PLD1: variants seen among roughly 807,000 people sequenced by gnomAD.
PLD1 encodes the protein choline phosphatase 1.
PLD1 carries 112 observed loss-of-function variants against 137.1 expected under a neutral mutation model. That is an observed-to-expected ratio of 0.82 (90% CI 0.70 to 0.96). The LOEUF (loss-of-function observed/expected upper bound fraction) is 0.96, where lower values mean the gene tolerates loss of function less well. Ranked by LOEUF, PLD1 falls within the 40% of genes least tolerant of loss-of-function variation. The probability of loss-of-function intolerance (pLI) is 0.00; values close to 1 mark genes in which losing one functional copy is unlikely to be tolerated. For missense variants in PLD1, 1,321 were observed against 1,342.0 expected (o/e 0.98, Z 0.24); for synonymous variants, 431 against 454.7 (o/e 0.95, Z 0.66).
chr3:171,691,470 T>C (rs1179520049), intron 13 of PLD1, among the ~76,000 whole-genome samples: 4 of 152,222 alleles, frequency 2.6e-5, no homozygotes, highest in Non-Finnish European at 5.9e-5. Flanking sequence ...TTTTGTTAAA[T>C]AGCTATATAT....
At chr3:171,731,311 G>GCAA (rs1718929347) in intron 6 of PLD1, among the ~76,000 whole-genome samples, 1 of 152,004 alleles carries the variant, frequency 6.6e-6, no homozygotes, top group Admixed American at 6.5e-5. Context: ...AAGAAAACAT[G>GCAA]TAAATTCCAA....
At chr3:171,605,247 T>A (rs1732114213) in intron 26 of PLD1, 52 bp downstream of exon 26, 1 of 1,003,604 alleles carries the variant, frequency 1.0e-6, no homozygotes, top group Non-Finnish European at 1.6e-6. Context: ...ATATGCTTTT[T>A]GTGATGAGAT....
intron 23 of PLD1, among the ~76,000 whole-genome samples, chr3:171,636,794 G>A (rs563044715): frequency 2.0e-5 from 3 of 152,028 alleles, no homozygotes; most frequent in Non-Finnish European, 2.9e-5. Context: ...AAAACCTCCA[G>A]TACGATGTTG....
chr3:171,609,727 A>T (rs1473632724), intron 25 of PLD1, among the ~76,000 whole-genome samples: 2 of 152,124 alleles, frequency 1.3e-5, no homozygotes, highest in Non-Finnish European at 2.9e-5. Context: ...GAGTGGAATA[A>T]CTGACGTTGG....
At chr3:171,689,554 G>A (rs1714940646) in intron 13 of PLD1, among the ~76,000 whole-genome samples, 1 of 151,852 alleles carries the variant, frequency 6.6e-6, no homozygotes, top group African/African-American at 2.4e-5. Flanking sequence ...AGGCTGGAGT[G>A]TAGACACGTG....
chr3:171,725,204 T>C (rs935541244), intron 7 of PLD1, among the ~76,000 whole-genome samples: 2 of 151,924 alleles, frequency 1.3e-5, no homozygotes, highest in Non-Finnish European at 2.9e-5. Flanking sequence ...TATATAAATA[T>C]AAAAAAATGT....
At chr3:171,705,460 C>G (rs182451435) in intron 11 of PLD1, among the ~76,000 whole-genome samples, 333 of 152,204 alleles carry the variant, frequency 2.2e-3, no homozygotes, top group Non-Finnish European at 3.8e-3. Flanking sequence ...CAACAGAAAT[C>G]ATGGAGGCCA....
chr3:171,677,207 T>C (rs978512766), intron 17 of PLD1, among the ~76,000 whole-genome samples: 19 of 152,202 alleles, frequency 1.2e-4, no homozygotes, highest in African/African-American at 4.6e-4. Flanking sequence ...AACCCAGTGA[T>C]AACCTGAAAA....
rs1272922894 is a variant in PLD1, at chr3:171,764,957, A to AGGAAG, written c.-31-26876_-31-26875insCTTCC. 9.1e-5 allele frequency among the ~76,000 whole-genome samples: 6 copies of AGGAAG among 66,030 alleles called. 1 individual carries two copies. Among genetic ancestry groups the AGGAAG allele is most frequent in the African/African-American group, 1.7e-4 (4 of 23,566 alleles). The allele number at this position is 66,030 out of a possible 152,430, so 43.3% of individuals were successfully genotyped here. A position where few individuals can be genotyped will look rare whatever the true frequency, so the allele number is the denominator to read the frequency against. ...AGGAAAGAAAGAAAGAAAGAAAGAA[A>AGGAAG]GAAAGAAAGAAAGAAAGAAAGAAAG... On this transcript the variant is annotated intron_variant, in intron 1 of 26. Coordinates refer to ENST00000351298, the MANE Select transcript of PLD1 (RefSeq NM_002662.5).
At chr3:171,782,086 A>T (rs1722815997) in intron 1 of PLD1, among the ~76,000 whole-genome samples, 1 of 152,250 alleles carries the variant, frequency 6.6e-6, no homozygotes, top group Non-Finnish European at 1.5e-5. Context: ...ACATGATATG[A>T]ATACATCTCA....
intron 19 of PLD1, among the ~76,000 whole-genome samples, chr3:171,666,905 A>G (rs1293492519): frequency 6.6e-6 from 1 of 152,190 alleles, no homozygotes; most frequent in East Asian, 1.9e-4. Flanking sequence ...TTTTTAACCT[A>G]AAATATAGCC....
At chr3:171,763,476 G>GAC (rs1721565360) in intron 1 of PLD1, among the ~76,000 whole-genome samples, 1 of 26,270 alleles carries the variant, frequency 3.8e-5, no homozygotes. Flanking sequence ...GGAGGGGAGG[G>GAC]GAGGGGAGGA....
rs568002576 is a variant in PLD1 at position 171,734,429 on chromosome 3, G to A, written c.540+436C>T. Among the ~76,000 whole-genome samples the A allele has an allele frequency of 1.7e-4, 26 of 152,312 alleles. No individual in the cohort carries two copies. The South Asian group carries it at 1.9e-3, about 11-fold the overall frequency. ...CCAGTGCTGTGCCTGTCTGTACTCC[G>A]TCAGACTCTTCTCAGGCCCTAACTG... On this transcript the variant is annotated intron_variant, in intron 5 of 26. Coordinates refer to ENST00000351298, the MANE Select transcript of PLD1 (RefSeq NM_002662.5).
intron 23 of PLD1, among the ~76,000 whole-genome samples, chr3:171,626,167 G>A (rs184513503): frequency 7.9e-5 from 12 of 152,196 alleles, no homozygotes; most frequent in African/African-American, 2.4e-4. Flanking sequence ...AGGAGCTGAC[G>A]GAGCTGAAAG....
intron 12 of PLD1, among the ~76,000 whole-genome samples, chr3:171,696,682 A>G (rs1197154546): frequency 6.6e-6 from 1 of 152,228 alleles, no homozygotes; most frequent in Non-Finnish European, 1.5e-5. Flanking sequence ...AGCCATATTT[A>G]TGTGCATATA....
At chr3:171,771,831 C>G (rs1023203913) in intron 1 of PLD1, among the ~76,000 whole-genome samples, 3 of 152,198 alleles carry the variant, frequency 2.0e-5, no homozygotes, top group Non-Finnish European at 4.4e-5. Context: ...CTCATCAAAT[C>G]CAACGATTAA....
intron 3 of PLD1, among the ~76,000 whole-genome samples, chr3:171,736,081 A>C (rs1017973270): frequency 2.6e-5 from 4 of 152,196 alleles, no homozygotes; most frequent in African/African-American, 4.8e-5. Context: ...TGTTCTTCAG[A>C]AATGGCACGA....
intron 1 of PLD1, among the ~76,000 whole-genome samples, chr3:171,806,026 G>T (rs7642100): frequency 6.6e-6 from 1 of 152,258 alleles, no homozygotes; most frequent in Non-Finnish European, 1.5e-5. Context: ...ATAAAATACA[G>T]TAAAACAAAC....
At chr3:171,620,324 A>AT in intron 24 of PLD1, 62 bp downstream of exon 24, 1 of 1,294,364 alleles carries the variant, frequency 7.7e-7, no homozygotes, top group East Asian at 2.4e-5. Flanking sequence ...AGCAGCAAAC[A>AT]TTTTTGCATG....
Sources: allele counts gnomAD v4.1 joint callset (sites outside exome capture counted in the v4.1 genomes callset), GRCh38; gene constraint gnomAD v4.1.1; transcripts MANE v1.5; gene names NCBI Gene and HGNC (gene_info 2026-07-23, HGNC 2026-07-21).